MYOM1: variants seen among roughly 807,000 people sequenced by gnomAD.
MYOM1 encodes the protein myomesin 1, also known as myomesin-1.
A neutral mutation model predicts 205.3 loss-of-function variants in MYOM1; 164 were observed. That is an observed-to-expected ratio of 0.80 (90% CI 0.70 to 0.91). The LOEUF is 0.91. Ranked by LOEUF, MYOM1 falls within the 40% of genes least tolerant of loss-of-function variation. MYOM1 has a pLI of 0.00. For synonymous variants in MYOM1, 772 were observed against 789.4 expected (o/e 0.98, Z 0.37); for missense variants, 2,011 against 2,127.3 (o/e 0.95, Z 1.08).
Position 3,126,754 on chromosome 18 carries a change from G to A in MYOM1, c.2938C>T (p.Pro980Ser), listed in dbSNP as rs1255937648. 6.2e-7 allele frequency: 1 copy of A among 1,613,668 alleles called. No homozygotes were observed. The highest frequency in any genetic ancestry group is 2.2e-5 in the East Asian group (1 of 44,860). ...ACATTGGCTTCTCTCCATTTTCCTG[G>A]TACCCCATCAATGACCTCGCGATAG... is the stretch of plus-strand genomic sequence containing the variant. ...VNYREVIDGV[P>S]GKWREANVKA... Residue 980 changes from proline (P) to serine (S), a missense_variant, in exon 19 of 38, where the codon CCA becomes TCA. Pro to Ser is a moderately conservative substitution (Grantham distance 74). Coordinates refer to ENST00000356443, the MANE Select transcript of MYOM1 (RefSeq NM_003803.4).
In MYOM1 at chr18:3,089,489, T is replaced by C. The variant is rs182856740; in HGVS notation, c.4069+48A>G. ...TTATGGAAATAACCTTGGAATCTTTTGTACAAAAAAATTAAAAATTTTCTC... is the reference window on the plus strand; with the variant it reads ...TTATGGAAATAACCTTGGAATCTTTCGTACAAAAAAATTAAAAATTTTCTC... On this transcript the variant is annotated intron_variant, in intron 28 of 37. Transcript: ENST00000356443. 33 of 1,418,406 alleles carry C rather than the reference T, an allele frequency of 2.3e-5. No individual in the cohort carries two copies. The African/African-American group carries it at 3.8e-4, about 16-fold the overall frequency. The allele number at this position is 1,418,406 out of a possible 1,614,324, so 87.9% of individuals were successfully genotyped here.
rs1221822039 is a variant in MYOM1 at position 3,141,939 on chromosome 18, CT to C, written c.2024del (p.Lys675SerfsTer12). On this transcript the variant is annotated frameshift_variant and splice_region_variant, in exon 14 of 38. Coordinates refer to ENST00000356443, the MANE Select transcript of MYOM1 (RefSeq NM_003803.4). LOFTEE classifies it high-confidence loss of function. ...GGTCATGTTGATTCTAGAGTCTTAC[CT>C]TTTCCACAAAGTACATAATGCCCTC... ...GHEGIMYFVE[K>X]CEAGTENWQR... 6.2e-7 allele frequency: 1 copy of C among 1,613,614 alleles called. No individual in the cohort carries two copies. The highest frequency in any genetic ancestry group is 1.7e-5 in the Admixed American group (1 of 60,008).
chr18:3,121,154 C>T (rs2079685252), intron 19 of MYOM1, among the ~76,000 whole-genome samples: 1 of 151,982 alleles, frequency 6.6e-6, no homozygotes, highest in African/African-American at 2.4e-5. Context: ...GAACATCAAA[C>T]ATATGTTTAA....
intron 19 of MYOM1, 149 bp downstream of exon 19, chr18:3,126,552 A>G: frequency 4.6e-6 from 3 of 650,052 alleles, no homozygotes; most frequent in Non-Finnish European, 5.0e-6. Context: ...ACCACAGTAT[A>G]TTTTTCACAA....
At position 3,189,075 on chromosome 18, in the gene MYOM1, G is replaced by A. The variant is rs1394828509; in HGVS notation, c.444C>T (p.Val148=). ...CTTCTTCCGTATCAGTAATTCCACT[G>A]ACATGCTTTTGACTAAAACACAACA... ...VPIFSGRQKH[V]SGITDTEEER... The change falls in exon 4 of 38, where the codon GTC becomes GTT. Residue 148 remains valine (V), a synonymous_variant. Coordinates refer to ENST00000356443, the MANE Select transcript of MYOM1 (RefSeq NM_003803.4). This position sits in a 1 kb window ranked among gnomAD's most constrained non-coding sequence, Gnocchi z 4.8. 1.2e-6 allele frequency: 2 copies of A among 1,611,432 alleles called. No individual in the cohort carries two copies. The highest frequency in any genetic ancestry group is 1.7e-6 in the Non-Finnish European group (2 of 1,178,404).
the MYOM1 span, among the ~76,000 whole-genome samples, chr18:3,228,307 G>A: frequency 4.6e-5 from 7 of 152,142 alleles, no homozygotes; most frequent in Non-Finnish European, 8.8e-5. The surrounding 1 kb of genome is among the most constrained non-coding windows in gnomAD (Gnocchi z 4.5). Context: ...TGTTACACTG[G>A]ATAGTAAGCG....
At chr18:3,073,334 C>A (rs1214236668) in intron 36 of MYOM1, among the ~76,000 whole-genome samples, 1 of 152,162 alleles carries the variant, frequency 6.6e-6, no homozygotes, top group Non-Finnish European at 1.5e-5. Context: ...TCCTGTCATT[C>A]ATTCAAAGGT....
intron 35 of MYOM1, 42 bp downstream of exon 35, chr18:3,075,683 A>G: frequency 6.3e-7 from 1 of 1,591,724 alleles, no homozygotes; most frequent in Non-Finnish European, 8.6e-7. Context: ...TTCCCGGGAA[A>G]TTAGTGCATG....
At chr18:3,235,757 C>T in the MYOM1 span, among the ~76,000 whole-genome samples, 1 of 151,970 alleles carries the variant, frequency 6.6e-6, no homozygotes, top group African/African-American at 2.4e-5. Context: ...GTAATAAGTG[C>T]AATGGAAAAA....
At chr18:3,178,851 G>C (rs987921919) in intron 5 of MYOM1, among the ~76,000 whole-genome samples, 2 of 151,970 alleles carry the variant, frequency 1.3e-5, no homozygotes, top group African/African-American at 4.8e-5. Flanking sequence ...TTTGAGGTTG[G>C]GATTGTGTCT....
intron 5 of MYOM1, among the ~76,000 whole-genome samples, chr18:3,183,493 T>TGGAAACTGGTTGGTTGGTGTCCAGC (rs2080769013): frequency 6.6e-6 from 1 of 152,248 alleles, no homozygotes; most frequent in South Asian, 2.1e-4. Context: ...AGGTGTCCAG[T>TGGAAACTGGTTGGTTGGTGTCCAGC]GGAAACTGGT....
chr18:3,071,107 A>G (rs748128090), intron 37 of MYOM1, among the ~76,000 whole-genome samples: 12 of 152,254 alleles, frequency 7.9e-5, no homozygotes, highest in East Asian at 1.9e-4. Context: ...ACAGGGGAAA[A>G]AAATTATTAA....
Position 3,129,452 on chromosome 18 carries a change from C to G in MYOM1, c.2574G>C (p.Arg858Ser), listed in dbSNP as rs1422382078. Residue 858 changes from arginine to serine, a missense_variant, in exon 18 of 38, where the codon AGG (arginine) becomes AGC (serine). Arg to Ser is a moderately radical substitution (Grantham distance 110, BLOSUM62 -1). Transcript: ENST00000356443. ...SDEPGGLTAS[R>S]GRVHEASPPT... ...GCGGGGAGGCTTCATGCACGCGCCC[C>G]CTGGAGGCGGTTAGTCCACCAGGCT... 3 of 1,613,910 alleles carry G rather than the reference C, an allele frequency of 1.9e-6. No individual in the cohort carries two copies. In the Admixed American group the frequency reaches 5.0e-5, roughly 27 times the overall value.
chr18:3,227,179 TG>T, the MYOM1 span, among the ~76,000 whole-genome samples: 6 of 151,084 alleles, frequency 4.0e-5, no homozygotes, highest in South Asian at 2.1e-4. Context: ...CTCTTTCTTT[TG>T]TTTTTTTTTA....
At chr18:3,172,056 T>C (rs779771265) in intron 8 of MYOM1, among the ~76,000 whole-genome samples, 10 of 152,202 alleles carry the variant, frequency 6.6e-5, no homozygotes, top group Non-Finnish European at 1.5e-4. Context: ...CATAAGCTTC[T>C]GGGAAACATT....
At chr18:3,100,879 G>A (rs2079366003) in intron 23 of MYOM1, among the ~76,000 whole-genome samples, 1 of 152,138 alleles carries the variant, frequency 6.6e-6, no homozygotes, top group Non-Finnish European at 1.5e-5. Flanking sequence ...TCCTCACTGT[G>A]TAATCCCTGT....
intron 37 of MYOM1, among the ~76,000 whole-genome samples, chr18:3,071,110 AT>A (rs1644274908): frequency 6.6e-6 from 1 of 152,136 alleles, no homozygotes; most frequent in African/African-American, 2.4e-5. Flanking sequence ...GGGGAAAAAA[AT>A]TATTAAAAAA....
At chr18:3,235,179 AT>A in the MYOM1 span, among the ~76,000 whole-genome samples, 5 of 151,864 alleles carry the variant, frequency 3.3e-5, no homozygotes, top group Non-Finnish European at 5.9e-5. Flanking sequence ...GCACTTCTAC[AT>A]TTTTTTCTTT....
intron 13 of MYOM1, among the ~76,000 whole-genome samples, chr18:3,142,277 G>C (rs1232532609): frequency 1.3e-5 from 2 of 150,864 alleles, no homozygotes; most frequent in Non-Finnish European, 2.9e-5. Context: ...TTTTTTTGGA[G>C]GGGGGGAAGG....
Sources: gnomAD v4.1 joint callset for allele counts (sites outside exome capture counted in the v4.1 genomes callset) on GRCh38, gnomAD v4.1.1 for gene constraint, Gnocchi (gnomAD v3.1) non-coding constraint, MANE v1.5 for transcripts, NCBI Gene and HGNC (gene_info 2026-07-23, HGNC 2026-07-21) for gene names.